The following ARHGAP24 variants were observed in gnomAD, a reference collection of about 807,000 sequenced individuals.
ARHGAP24 encodes rho GTPase-activating protein 24.
ARHGAP24 carries 50 observed loss-of-function variants against 76.4 expected under a neutral mutation model. That is an observed-to-expected ratio of 0.65 (90% confidence interval 0.52 to 0.83). The LOEUF (loss-of-function observed/expected upper bound fraction) is 0.83, where lower values mean the gene tolerates loss of function less well. Among genes scored for constraint, ARHGAP24 ranks in the 40% least tolerant of loss-of-function variants. The pLI, the probability that ARHGAP24 is intolerant of heterozygous loss-of-function variation, is 0.00. For synonymous variants in ARHGAP24, 345 were observed against 323.3 expected, an observed-to-expected ratio of 1.07 and a Z score of -0.72; for missense variants, 930 against 914.2, an observed-to-expected ratio of 1.02 and a Z score of -0.22.
chr4:85,969,782 G>A (rs1356298794), intron 5 of ARHGAP24, among the ~76,000 whole-genome samples: 1 of 152,042 alleles, frequency 6.6e-6, no homozygotes, highest in Non-Finnish European at 1.5e-5. Flanking sequence ...TCTTACCATT[G>A]AGACTATTTT....
chr4:85,485,976 T>G (rs974366462), intron 1 of ARHGAP24, among the ~76,000 whole-genome samples: 4 of 152,122 alleles, frequency 2.6e-5, no homozygotes, highest in Non-Finnish European at 5.9e-5. Context: ...TCACCTCAAG[T>G]GCTCCACTCA....
At chr4:85,734,827 A>G (rs1359096396) in intron 3 of ARHGAP24, among the ~76,000 whole-genome samples, 1 of 151,982 alleles carries the variant, frequency 6.6e-6, no homozygotes, top group East Asian at 1.9e-4. Context: ...CAAGTAACTC[A>G]TTCCACTTTG....
At chr4:85,760,723 GAAGGCCCGGAGCCAA>G (rs1157661747) in intron 3 of ARHGAP24, among the ~76,000 whole-genome samples, 3 of 152,142 alleles carry the variant, frequency 2.0e-5, no homozygotes, top group East Asian at 3.8e-4. Flanking sequence ...CCAAAAAACA[GAAGGCCCGGAGCCAA>G]AAGGCCCGGA....
chr4:85,482,401 A>T (rs1239035608), intron 1 of ARHGAP24, among the ~76,000 whole-genome samples: 4 of 152,108 alleles, frequency 2.6e-5, no homozygotes. Context: ...TACCTATAAG[A>T]TTAGGTAAGG....
At chr4:85,936,383 T>C (rs984545453) in intron 4 of ARHGAP24, among the ~76,000 whole-genome samples, 1 of 152,134 alleles carries the variant, frequency 6.6e-6, no homozygotes, top group Non-Finnish European at 1.5e-5. Flanking sequence ...TCACCCATCT[T>C]GATAAGTTCC....
At chr4:85,985,460 A>G (rs1045960734) in intron 8 of ARHGAP24, among the ~76,000 whole-genome samples, 6 of 152,266 alleles carry the variant, frequency 3.9e-5, no homozygotes, top group African/African-American at 1.2e-4. Flanking sequence ...GAAGGGGAAC[A>G]ACACACACTG....
Position 85,977,673 on chromosome 4 carries a change from C to A in ARHGAP24, c.910C>A (p.Pro304Thr). Residue 304 changes from proline (P) to threonine (T), a missense_variant, in exon 8 of 10, where the codon CCT (proline) becomes ACT (threonine). Physicochemically the swap from Pro to Thr is conservative, Grantham distance 38 (BLOSUM62 -1). Transcript: ENST00000395184. ...PNILRPKVEDPLTIMEGTVVV... is the reference protein window; with the variant it reads ...PNILRPKVEDTLTIMEGTVVV... The stretch of plus-strand genomic sequence containing the variant: ...TATCCTGCGCCCCAAAGTGGAAGAT[C>A]CTTTGACTATCATGGAGGGTAAGTA... The A allele has an allele frequency of 6.2e-7, 1 of 1,613,806 alleles. No individual in the cohort carries two copies. Among genetic ancestry groups the A allele is most frequent in the Non-Finnish European group, 8.5e-7 (1 of 1,179,768 alleles).
intron 4 of ARHGAP24, among the ~76,000 whole-genome samples, chr4:85,932,853 G>A (rs767162864): frequency 9.2e-5 from 14 of 152,128 alleles, no homozygotes; most frequent in Non-Finnish European, 1.8e-4. Context: ...GAAGTGCTGC[G>A]TGCCCACAGT....
intron 1 of ARHGAP24, among the ~76,000 whole-genome samples, chr4:85,487,511 T>C (rs1233487577): frequency 1.0e-4 from 11 of 109,390 alleles, no homozygotes; most frequent in African/African-American, 4.2e-4. Flanking sequence ...ACATATTATA[T>C]AAACATATAT....
chr4:85,704,322 A>G (rs966131367), intron 2 of ARHGAP24, among the ~76,000 whole-genome samples: 1 of 152,200 alleles, frequency 6.6e-6, no homozygotes, highest in Non-Finnish European at 1.5e-5. Flanking sequence ...TAGTCAAAGA[A>G]ACCATTTCTT....
chr4:85,701,417 T>C (rs1382045571), intron 2 of ARHGAP24, among the ~76,000 whole-genome samples: 1 of 152,132 alleles, frequency 6.6e-6, no homozygotes. Flanking sequence ...ATCTTCTTTT[T>C]TCCCTCACCC....
At chr4:85,567,104 A>G (rs1726881014) in intron 1 of ARHGAP24, among the ~76,000 whole-genome samples, 1 of 152,192 alleles carries the variant, frequency 6.6e-6, no homozygotes, top group African/African-American at 2.4e-5. Flanking sequence ...CTTATAGGCC[A>G]TGGTAAGACT....
chr4:85,834,572 G>T (rs1446100638), intron 3 of ARHGAP24, among the ~76,000 whole-genome samples: 1 of 152,162 alleles, frequency 6.6e-6, no homozygotes, highest in Non-Finnish European at 1.5e-5. Context: ...GATAGAGTGA[G>T]AAACCAGTGT....
chr4:85,907,125 A>C (rs1236135054), intron 3 of ARHGAP24, among the ~76,000 whole-genome samples: 2 of 152,142 alleles, frequency 1.3e-5, no homozygotes, highest in African/African-American at 4.8e-5. Flanking sequence ...CCTTAGCTGA[A>C]CTCTGAGCTC....
chr4:85,680,292 T>G (rs1450910070), intron 2 of ARHGAP24, among the ~76,000 whole-genome samples: 2 of 152,196 alleles, frequency 1.3e-5, no homozygotes, highest in Non-Finnish European at 2.9e-5. Flanking sequence ...TAAATTTAAT[T>G]TAGCTGAAAC....
At chr4:85,619,701 T>G (rs373260611) in intron 2 of ARHGAP24, among the ~76,000 whole-genome samples, 30 of 152,106 alleles carry the variant, frequency 2.0e-4, no homozygotes, top group African/African-American at 6.5e-4. Context: ...TCCTAAGAAT[T>G]TTTTATGCAA....
At chr4:85,541,075 A>G (rs954784394) in intron 1 of ARHGAP24, among the ~76,000 whole-genome samples, 2 of 126,434 alleles carry the variant, frequency 1.6e-5, no homozygotes, top group Non-Finnish European at 3.1e-5. Flanking sequence ...CACTGATCCT[A>G]TTGCTGTGAA....
rs140938117 is a variant in ARHGAP24 at position 85,942,199 on chromosome 4, A to G, written c.525A>G (p.Arg175=). 4.3e-6 allele frequency: 7 copies of G among 1,614,076 alleles called. No individual in the cohort carries two copies. The highest frequency in any genetic ancestry group is 5.9e-6 in the Non-Finnish European group (7 of 1,179,998). ...QRGLKEEGLF[R]LPGQANLVKE... ...GGCTGAAAGAAGAGGGTCTCTTTCG[A>G]CTGCCAGGCCAGGCTAATCTTGTTA... Residue 175 remains arginine (R), a synonymous_variant, in exon 5 of 10, where the codon CGA becomes CGG. Coordinates refer to ENST00000395184, the MANE Select transcript of ARHGAP24 (RefSeq NM_001025616.3).
chr4:85,622,381 A>G (rs1194926677), intron 2 of ARHGAP24, among the ~76,000 whole-genome samples: 4 of 151,590 alleles, frequency 2.6e-5, no homozygotes, highest in African/African-American at 4.8e-5. Context: ...TTTGCTGAGA[A>G]TGATGGTTTC....
Sources: gnomAD v4.1 joint callset for allele counts (sites outside exome capture counted in the v4.1 genomes callset) on GRCh38, gnomAD v4.1.1 for gene constraint, MANE v1.5 for transcripts, NCBI Gene and HGNC (gene_info 2026-07-23, HGNC 2026-07-21) for gene names.